ESRRG: variants seen among roughly 807,000 people sequenced by gnomAD.
ESRRG encodes estrogen-related receptor gamma.
A neutral mutation model predicts 44.0 loss-of-function variants in ESRRG; 13 were observed. That is an observed-to-expected ratio of 0.30 (90% CI 0.19 to 0.47). ESRRG has a LOEUF of 0.47. Among genes scored for constraint, ESRRG ranks in the 20% least tolerant of loss-of-function variants. ESRRG has a pLI of 1.00. For missense variants in ESRRG, 395 were observed against 580.6 expected (o/e 0.68, Z 3.29); for synonymous variants, 215 against 214.6 (o/e 1.00, Z -0.02).
intron 1 of ESRRG, among the ~76,000 whole-genome samples, chr1:217,133,675 CTTTCTTTCTA>C (rs2093005854): frequency 6.8e-6 from 1 of 146,820 alleles, no homozygotes; most frequent in Admixed American, 6.8e-5. Context: ...TTCTTTCTTT[CTTTCTTTCTA>C]ACTGTGCTTT....
At chr1:216,798,932 G>T (rs2094542929) in intron 2 of ESRRG, among the ~76,000 whole-genome samples, 1 of 152,056 alleles carries the variant, frequency 6.6e-6, no homozygotes, top group Non-Finnish European at 1.5e-5. Flanking sequence ...TCATGAATAG[G>T]TATATAAATC....
chr1:216,505,062 GA>G lies in ESRRG; in HGVS notation c.*1876del, dbSNP rs1297383930. ...AAATTCAGAAAAGCACAGCAAACAT[GA>G]AACATTGAAAAGCTGAACTACATTT... On this transcript the variant is annotated 3_prime_UTR_variant, in exon 7 of 7. Transcript: ENST00000408911. The G allele has an allele frequency of 6.6e-6, 1 of 152,596 alleles. No homozygotes were observed. Among genetic ancestry groups the G allele is most frequent in the African/African-American group, 2.4e-5 (1 of 41,440 alleles). The allele number at this position is 152,596 out of a possible 1,614,324, so 9.5% of individuals were successfully genotyped here.
chr1:216,842,993 G>T (rs1469355266), intron 2 of ESRRG, among the ~76,000 whole-genome samples: 1 of 152,084 alleles, frequency 6.6e-6, no homozygotes, highest in Admixed American at 6.6e-5. Context: ...AACAAATGCT[G>T]GTCTGGATTA....
Position 216,564,214 on chromosome 1 carries a change from T to C in ESRRG, c.862+5A>G, listed in dbSNP as rs1425595938. The stretch of plus-strand genomic sequence containing the variant: ...TTCTTTTCTTTTTCTTTTCAGAAAA[T>C]GTACCTGGAATATGCTTCGCCCATC... On this transcript the variant is annotated splice_donor_5th_base_variant and intron_variant, in intron 5 of 6. Coordinates refer to ENST00000408911, the MANE Select transcript of ESRRG (RefSeq NM_001438.4). 1 of 1,475,250 alleles carries C rather than the reference T, an allele frequency of 6.8e-7. No homozygotes were observed. The highest frequency in any genetic ancestry group is 9.0e-7 in the Non-Finnish European group (1 of 1,107,608). 91.4% of individuals were successfully genotyped at this position (1,475,250 alleles called of 1,614,324 possible).
intron 5 of ESRRG, among the ~76,000 whole-genome samples, chr1:216,523,978 A>G (rs946318715): frequency 1.3e-5 from 2 of 152,114 alleles, no homozygotes; most frequent in African/African-American, 4.8e-5. Flanking sequence ...AACGTAAGCT[A>G]GATTCTTTTC....
intron 1 of ESRRG, among the ~76,000 whole-genome samples, chr1:216,682,526 T>A (rs1192333096): frequency 1.3e-5 from 2 of 152,122 alleles, no homozygotes; most frequent in Admixed American, 1.3e-4. Context: ...CTCTGTGTGA[T>A]TCATCAGAAT....
At chr1:216,657,732 ATAGT>A (rs917195213) in intron 2 of ESRRG, among the ~76,000 whole-genome samples, 7 of 152,072 alleles carry the variant, frequency 4.6e-5, no homozygotes, top group Admixed American at 2.0e-4. Context: ...CATCAGGATA[ATAGT>A]TAGAGTTGGC....
At chr1:217,134,724 T>C (rs1267980209) in intron 1 of ESRRG, among the ~76,000 whole-genome samples, 1 of 152,188 alleles carries the variant, frequency 6.6e-6, no homozygotes, top group Non-Finnish European at 1.5e-5. Context: ...CGGCTACGTT[T>C]CTCTTGCTCC....
intron 1 of ESRRG, among the ~76,000 whole-genome samples, chr1:216,971,747 C>T (rs998204905): frequency 1.3e-4 from 20 of 152,172 alleles, no homozygotes; most frequent in Non-Finnish European, 2.2e-4. Flanking sequence ...AAATTGATTT[C>T]TCCCCAGTAG....
chr1:216,679,293 G>T (rs1028280811), intron 1 of ESRRG, among the ~76,000 whole-genome samples: 4 of 152,174 alleles, frequency 2.6e-5, no homozygotes, highest in Non-Finnish European at 4.4e-5. Flanking sequence ...AATGAACGTT[G>T]TAATTAATAG....
intron 1 of ESRRG, among the ~76,000 whole-genome samples, chr1:216,696,416 T>C (rs530044899): frequency 6.6e-6 from 1 of 152,284 alleles, no homozygotes; most frequent in South Asian, 2.1e-4. Flanking sequence ...TAAACAACTG[T>C]ATACTCAGTA....
chr1:216,781,107 C>T (rs999088528), intron 2 of ESRRG, among the ~76,000 whole-genome samples: 1 of 151,876 alleles, frequency 6.6e-6, no homozygotes, highest in Admixed American at 6.6e-5. Flanking sequence ...ATAAGAAATA[C>T]ACCTGGTTTG....
chr1:217,099,784 T>C (rs2092480390), intron 1 of ESRRG, among the ~76,000 whole-genome samples: 1 of 152,132 alleles, frequency 6.6e-6, no homozygotes, highest in Non-Finnish European at 1.5e-5. Flanking sequence ...ATGCTTTGCA[T>C]CCAGGTGGAG....
Position 216,740,999 on chromosome 1 carries a change from G to A in ESRRG, c.-13-63508C>T, listed in dbSNP as rs150774963. Reference sequence around the variant, plus strand: ...TTAATTCTCAGATAAATTTTTTAAAGTCATATACGAAATTGGTTCTCAAAT... The same window carrying A: ...TTAATTCTCAGATAAATTTTTTAAAATCATATACGAAATTGGTTCTCAAAT... On this transcript the variant is annotated intron_variant, in intron 2 of 7. Coordinates refer to the ESRRG transcript ENST00000359162. Among the ~76,000 whole-genome samples, 490 of 151,674 alleles carry A rather than the reference G, an allele frequency of 3.2e-3. 3 individuals are homozygous for A. The highest frequency in any genetic ancestry group is 0.01 in the African/African-American group (431 of 41,434).
chr1:216,843,745 G>A (rs954512442), intron 2 of ESRRG, among the ~76,000 whole-genome samples: 2 of 152,022 alleles, frequency 1.3e-5, no homozygotes, highest in African/African-American at 4.8e-5. Flanking sequence ...CACCTATTGA[G>A]GTACTCTGAA....
rs145218646 is a variant in ESRRG, at chr1:216,754,194, G to T, written c.-13-76703C>A. On this transcript the variant is annotated intron_variant, in intron 2 of 7. Transcript: ENST00000359162. ...TCCTTCCAAATATTCTGAAATATAA[G>T]ACCCAAAATGAATGTGACCTTGACC... Among the ~76,000 whole-genome samples, 708 of 152,016 alleles carry T rather than the reference G, an allele frequency of 4.7e-3. 5 individuals are homozygous for T. Among genetic ancestry groups the T allele is most frequent in the African/African-American group, 0.015 (643 of 41,486 alleles).
intron 2 of ESRRG, among the ~76,000 whole-genome samples, chr1:216,801,569 G>T (rs183388554): frequency 1.9e-4 from 29 of 152,234 alleles, no homozygotes; most frequent in African/African-American, 6.5e-4. Context: ...AGAGTGTACA[G>T]CGTTTCCTTT....
At chr1:216,747,738 A>G (rs563831951) in intron 2 of ESRRG, among the ~76,000 whole-genome samples, 1 of 152,170 alleles carries the variant, frequency 6.6e-6, no homozygotes, top group Non-Finnish European at 1.5e-5. Flanking sequence ...TACCAACTTT[A>G]CTGTGAGAAA....
At chr1:216,687,878 G>T (rs1324696036) in intron 1 of ESRRG, among the ~76,000 whole-genome samples, 2 of 152,048 alleles carry the variant, frequency 1.3e-5, no homozygotes, top group Non-Finnish European at 2.9e-5. Context: ...ATTGCTTCTG[G>T]CATTTAAAAA....
Sources: gnomAD v4.1 joint callset for allele counts (sites outside exome capture counted in the v4.1 genomes callset) on GRCh38, gnomAD v4.1.1 for gene constraint, MANE v1.5 for transcripts, NCBI Gene and HGNC (gene_info 2026-07-23, HGNC 2026-07-21) for gene names.